DIRAS2: variants seen among roughly 807,000 people sequenced by gnomAD.
DIRAS2 encodes the protein DIRAS family GTPase 2.
Under a neutral mutation model 13.9 loss-of-function variants are expected in DIRAS2, and 5 were observed. The observed-to-expected ratio is 0.36, with a 90% CI of 0.19 to 0.76. The LOEUF (loss-of-function observed/expected upper bound fraction) is 0.76. DIRAS2 is among the 30% of genes least tolerant of loss of function. DIRAS2 has a pLI of 0.53. For missense variants in DIRAS2, 191 were observed against 263.0 expected, an observed-to-expected ratio of 0.73 and a Z score of 1.89; for synonymous variants, 111 against 105.4, an observed-to-expected ratio of 1.05 and a Z score of -0.33.
At chr9:90,629,888 C>G (rs973254340) in intron 1 of DIRAS2, among the ~76,000 whole-genome samples, 2 of 152,022 alleles carry the variant, frequency 1.3e-5, no homozygotes, top group Non-Finnish European at 2.9e-5. Context: ...GCCACAGATA[C>G]AGAGGGGCCA....
At chr9:90,626,356 A>G (rs1825268765) in intron 1 of DIRAS2, among the ~76,000 whole-genome samples, 1 of 152,012 alleles carries the variant, frequency 6.6e-6, no homozygotes, top group Non-Finnish European at 1.5e-5. Context: ...CCTATAGTCC[A>G]AACTACCAGA....
intron 1 of DIRAS2, among the ~76,000 whole-genome samples, chr9:90,631,771 A>T (rs1026113216): frequency 6.6e-6 from 1 of 152,096 alleles, no homozygotes; most frequent in African/African-American, 2.4e-5. Context: ...CTGCCGGCTC[A>T]TATACCCCTC....
At chr9:90,614,699 G>A (rs1825151781) in intron 1 of DIRAS2, among the ~76,000 whole-genome samples, 1 of 152,124 alleles carries the variant, frequency 6.6e-6, no homozygotes, top group Non-Finnish European at 1.5e-5. Context: ...AGTGTGGATA[G>A]TCATTTCATT....
chr9:90,621,976 G>A (rs1312726402), intron 1 of DIRAS2, among the ~76,000 whole-genome samples: 6 of 152,186 alleles, frequency 3.9e-5, no homozygotes, highest in Non-Finnish European at 8.8e-5. Context: ...CAAAAGGCTG[G>A]GTGCAGTGGC....
In DIRAS2 at chr9:90,610,301, T is replaced by G. The variant is rs1825098336; in HGVS notation, c.*2927A>C. On this transcript the variant is annotated 3_prime_UTR_variant, in exon 2 of 2. Transcript: ENST00000375765. The stretch of plus-strand genomic sequence containing the variant: ...TACAGATATGTACAATTTATGACTT[T>G]ATACTTCAAAAATGCAGGAAGATAA... 7.5e-6 allele frequency: 3 copies of G among 397,704 alleles called. No homozygotes were observed. The highest frequency in any genetic ancestry group is 1.3e-5 in the Non-Finnish European group (3 of 225,748). The allele number at this position is 397,704 out of a possible 1,614,324, so 24.6% of individuals were successfully genotyped here.
intron 1 of DIRAS2, among the ~76,000 whole-genome samples, chr9:90,637,506 G>A (rs1825381953): frequency 6.6e-6 from 1 of 152,120 alleles, no homozygotes; most frequent in Admixed American, 6.5e-5. Flanking sequence ...TCCATCACCT[G>A]TCCCATGAAG....
chr9:90,626,596 A>G (rs1825271810), intron 1 of DIRAS2, among the ~76,000 whole-genome samples: 1 of 152,206 alleles, frequency 6.6e-6, no homozygotes, highest in Non-Finnish European at 1.5e-5. Context: ...CTTCACACCC[A>G]CTAGAATGGC....
intron 1 of DIRAS2, among the ~76,000 whole-genome samples, chr9:90,621,524 A>AT (rs1242502126): frequency 2.0e-5 from 3 of 152,188 alleles, no homozygotes; most frequent in South Asian, 4.1e-4. Context: ...CATTTTAATA[A>AT]TTTTTTATAA....
At chr9:90,624,520 G>A (rs1825249741) in intron 1 of DIRAS2, among the ~76,000 whole-genome samples, 2 of 152,192 alleles carry the variant, frequency 1.3e-5, no homozygotes, top group South Asian at 4.1e-4. Flanking sequence ...AATGAAGTCA[G>A]TGGAGATAAA....
At chr9:90,623,014 A>G (rs1479211830) in intron 1 of DIRAS2, among the ~76,000 whole-genome samples, 13 of 152,148 alleles carry the variant, frequency 8.5e-5, no homozygotes, top group Admixed American at 8.5e-4. Flanking sequence ...TCTATTTTTA[A>G]TAAACTTTCT....
At chr9:90,637,042 A>T (rs2118586064) in intron 1 of DIRAS2, among the ~76,000 whole-genome samples, 1 of 152,366 alleles carries the variant, frequency 6.6e-6, no homozygotes, top group African/African-American at 2.4e-5. Flanking sequence ...GAGGATAACT[A>T]ACAGCTATGG....
intron 1 of DIRAS2, among the ~76,000 whole-genome samples, chr9:90,617,544 G>C (rs1386484035): frequency 5.9e-5 from 9 of 152,178 alleles, no homozygotes; most frequent in African/African-American, 2.2e-4. Flanking sequence ...ATAATGCCAA[G>C]TTGTTTATGA....
intron 1 of DIRAS2, among the ~76,000 whole-genome samples, chr9:90,632,853 T>A (rs1825337546): frequency 6.6e-6 from 1 of 152,234 alleles, no homozygotes; most frequent in African/African-American, 2.4e-5. Flanking sequence ...TTCTGTGGGC[T>A]GGGCAGGATC....
chr9:90,632,281 C>T (rs1825332313), intron 1 of DIRAS2, among the ~76,000 whole-genome samples: 1 of 152,194 alleles, frequency 6.6e-6, no homozygotes, highest in African/African-American at 2.4e-5. Context: ...CCATTATCCC[C>T]CAGCTCACTC....
At chr9:90,617,334 G>A (rs1825179143) in intron 1 of DIRAS2, among the ~76,000 whole-genome samples, 1 of 152,218 alleles carries the variant, frequency 6.6e-6, no homozygotes, top group Non-Finnish European at 1.5e-5. Flanking sequence ...AAGTTCAGCA[G>A]AGAGGACTCA....
chr9:90,634,214 G>A (rs922534387), intron 1 of DIRAS2, among the ~76,000 whole-genome samples: 11 of 152,164 alleles, frequency 7.2e-5, no homozygotes, highest in African/African-American at 1.9e-4. Flanking sequence ...AGTGACCTTG[G>A]ATGATATCTG....
At chr9:90,615,510 T>C (rs1026653266) in intron 1 of DIRAS2, among the ~76,000 whole-genome samples, 9 of 152,246 alleles carry the variant, frequency 5.9e-5, no homozygotes, top group African/African-American at 2.2e-4. Context: ...GGGTGAAGCA[T>C]TGTGATAAAT....
At position 90,610,377 on chromosome 9, in the gene DIRAS2, T is replaced by A; in HGVS notation, c.*2851A>T. On this transcript the variant is annotated 3_prime_UTR_variant, in exon 2 of 2. Coordinates refer to ENST00000375765, the MANE Select transcript of DIRAS2 (RefSeq NM_017594.5). ...TTTAGATAGAATGAACAATTCAATA[T>A]TGCTCTTGTGTTGGTCTTGCTGCAT... is the stretch of plus-strand genomic sequence containing the variant. 2.5e-6 allele frequency: 1 copy of A among 399,036 alleles called. No individual in the cohort carries two copies. Among genetic ancestry groups the A allele is most frequent in the Non-Finnish European group, 4.4e-6 (1 of 226,066 alleles). The allele number at this position is 399,036 out of a possible 1,614,324, so 24.7% of individuals were successfully genotyped here.
chr9:90,637,886 T>G (rs1348950116), intron 1 of DIRAS2, among the ~76,000 whole-genome samples: 3 of 152,214 alleles, frequency 2.0e-5, no homozygotes, highest in Non-Finnish European at 4.4e-5. Flanking sequence ...GTCAGCAGTC[T>G]CAGGCTTAGC....
Sources: gnomAD v4.1 joint callset for allele counts (sites outside exome capture counted in the v4.1 genomes callset) on GRCh38, gnomAD v4.1.1 for gene constraint, MANE v1.5 for transcripts, NCBI Gene and HGNC (gene_info 2026-07-23, HGNC 2026-07-21) for gene names.